The following EPDR1 variants were observed in gnomAD, a reference collection of about 807,000 sequenced individuals.
EPDR1 encodes the protein ependymin related 1.
EPDR1 carries 27 observed loss-of-function variants against 23.7 expected under a neutral mutation model. That is an observed-to-expected ratio of 1.14 (90% CI 0.84 to 1.57). The LOEUF (loss-of-function observed/expected upper bound fraction) is 1.57, where lower values mean the gene tolerates loss of function less well. EPDR1 is among the 40% of genes most tolerant of loss of function. The pLI, the probability that EPDR1 is intolerant of heterozygous loss-of-function variation, is 0.00. For missense variants in EPDR1, 349 were observed against 290.4 expected (o/e 1.20, Z -1.47); for synonymous variants, 137 against 118.2 (o/e 1.16, Z -1.03).
chr7:37,921,121 G>T lies in EPDR1; in HGVS notation c.182G>T (p.Arg61Leu). 1.3e-6 allele frequency: 2 copies of T among 1,594,540 alleles called. No individual in the cohort carries two copies. Among genetic ancestry groups the T allele is most frequent in the African/African-American group, 1.3e-5 (1 of 74,242 alleles). The change falls in exon 1 of 3, where the codon CGC (arginine) becomes CTC (leucine). Residue 61 changes from arginine (R) to leucine (L), a missense_variant. Physicochemically the swap from Arg to Leu is moderately radical, Grantham distance 102. Coordinates refer to ENST00000199448, the MANE Select transcript of EPDR1 (RefSeq NM_017549.5). ...GTTATGTACCAGCAAAGTAGCGGGC[G>T]CAACAGCCGCGCCCTGCTCTCCTAC... ...RQVMYQQSSG[R>L]NSRALLSYDG... is the part of the protein sequence containing the mutation.
intron 1 of EPDR1, among the ~76,000 whole-genome samples, chr7:37,945,937 C>T (rs1786266357): frequency 6.8e-6 from 1 of 148,086 alleles, no homozygotes; most frequent in Non-Finnish European, 1.5e-5. Context: ...CATTTGTTCT[C>T]ATCATTCAGC....
At chr7:37,926,997 A>T (rs1785826496) in intron 1 of EPDR1, among the ~76,000 whole-genome samples, 1 of 152,058 alleles carries the variant, frequency 6.6e-6, no homozygotes, top group African/African-American at 2.4e-5. Flanking sequence ...ATTGGTTTCT[A>T]TGTTCTTTTG....
chr7:37,949,607 G>GTA (rs138731910), intron 2 of EPDR1, among the ~76,000 whole-genome samples: 1,685 of 151,458 alleles, frequency 0.011, 12 homozygotes, highest in Admixed American at 0.017. Context: ...CTCCACTTCT[G>GTA]TATATATATA....
At chr7:37,925,252 A>G (rs945622919) in intron 1 of EPDR1, among the ~76,000 whole-genome samples, 2 of 152,120 alleles carry the variant, frequency 1.3e-5, no homozygotes, top group African/African-American at 2.4e-5. Flanking sequence ...TACACAATGA[A>G]CCCTCTCAGG....
chr7:37,922,373 A>C (rs999489339), intron 1 of EPDR1, among the ~76,000 whole-genome samples: 1 of 152,206 alleles, frequency 6.6e-6, no homozygotes, highest in Non-Finnish European at 1.5e-5. Context: ...TGCAGCACAG[A>C]GCAGCACAGT....
chr7:37,939,028 G>A (rs992350240), intron 1 of EPDR1, among the ~76,000 whole-genome samples: 1 of 150,986 alleles, frequency 6.6e-6, no homozygotes, highest in African/African-American at 2.4e-5. Flanking sequence ...GCCCAGGCTG[G>A]AGTGCAGTGA....
chr7:37,949,157 T>A (rs927952350), intron 2 of EPDR1, 109 bp downstream of exon 2: 18 of 1,060,742 alleles, frequency 1.7e-5, no homozygotes, highest in Admixed American at 5.1e-5. Context: ...TAATCAAAAA[T>A]TTTTTAAAGC....
chr7:37,930,725 A>G (rs1052811452), intron 1 of EPDR1, among the ~76,000 whole-genome samples: 1 of 152,218 alleles, frequency 6.6e-6, no homozygotes, highest in Admixed American at 6.5e-5. Context: ...CGGACATCAG[A>G]ACACAGTTCC....
At chr7:37,945,975 A>G (rs912252123) in intron 1 of EPDR1, among the ~76,000 whole-genome samples, 3 of 152,060 alleles carry the variant, frequency 2.0e-5, no homozygotes, top group Non-Finnish European at 4.4e-5. Flanking sequence ...AACATGCAGT[A>G]TTTGCTTTTC....
intron 1 of EPDR1, among the ~76,000 whole-genome samples, chr7:37,944,025 C>T (rs1786222588): frequency 6.6e-6 from 1 of 152,124 alleles, no homozygotes; most frequent in South Asian, 2.1e-4. Flanking sequence ...CCGGGTCTCT[C>T]CATGGAGCAC....
rs896301904 is a variant in EPDR1 at position 37,951,459 on chromosome 7, C to T, written c.*1063C>T. 4.7e-4 allele frequency: 72 copies of T among 152,266 alleles called. No homozygotes were observed. Among genetic ancestry groups the T allele is most frequent in the African/African-American group, 1.7e-3 (71 of 41,460 alleles). 9.4% of individuals were successfully genotyped at this position (152,266 alleles called of 1,614,324 possible). On this transcript the variant is annotated 3_prime_UTR_variant, in exon 3 of 3. Transcript: ENST00000199448. ...TAATTATTAAGCTGTGTGATAATTT[C>T]TGCTTTCAGGACACTCATCCATTAT...
intron 1 of EPDR1, among the ~76,000 whole-genome samples, chr7:37,946,307 G>A (rs143343826): frequency 5.3e-5 from 8 of 152,102 alleles, no homozygotes; most frequent in Admixed American, 2.0e-4. Context: ...GAATTGCCAC[G>A]CTGTCTTCCA....
intron 1 of EPDR1, among the ~76,000 whole-genome samples, chr7:37,934,149 T>C (rs1786001172): frequency 6.6e-6 from 1 of 152,114 alleles, no homozygotes; most frequent in South Asian, 2.1e-4. Flanking sequence ...GCTAATTTTT[T>C]GTATTTTTAG....
At chr7:37,933,487 G>C (rs1162523038) in intron 1 of EPDR1, among the ~76,000 whole-genome samples, 1 of 152,136 alleles carries the variant, frequency 6.6e-6, no homozygotes, top group Non-Finnish European at 1.5e-5. Flanking sequence ...TATGCTGTGA[G>C]CCTCATATTT....
At chr7:37,929,841 A>T (rs1183134265) in intron 1 of EPDR1, among the ~76,000 whole-genome samples, 1 of 152,182 alleles carries the variant, frequency 6.6e-6, no homozygotes, top group Non-Finnish European at 1.5e-5. Context: ...CTCATCAAAC[A>T]CTGTCTTCAG....
In EPDR1 at chr7:37,937,985, A is replaced by ATTTTTTTTTT. The variant is rs35752051; in HGVS notation, c.270-10841_270-10832dup. ...CTGAAGAAAAATGGGTGCCCTTTAA[A>ATTTTTTTTTT]TTTTTTTTTTTTTTTTTTTTTTTGA... On this transcript the variant is annotated intron_variant, in intron 1 of 2. Coordinates refer to ENST00000199448, the MANE Select transcript of EPDR1 (RefSeq NM_017549.5). Among the ~76,000 whole-genome samples the ATTTTTTTTTT allele has an allele frequency of 5.0e-3, 364 of 72,382 alleles. 39 individuals are homozygous for ATTTTTTTTTT. Among genetic ancestry groups the ATTTTTTTTTT allele is most frequent in the Admixed American group, 0.01 (54 of 5,180 alleles). 47.5% of individuals were successfully genotyped at this position (72,382 alleles called of 152,430 possible).
intron 1 of EPDR1, among the ~76,000 whole-genome samples, chr7:37,927,276 C>T (rs190257257): frequency 2.6e-5 from 4 of 152,324 alleles, no homozygotes; most frequent in Admixed American, 2.6e-4. Context: ...CATATATACA[C>T]ATTTACATCT....
Position 37,950,130 on chromosome 7 carries a change from C to T in EPDR1, c.479-70C>T. ...AAATTTTATGTTATGTACATTTTAC[C>T]ACCATAAGAAAAAATATGAACTTCT... On this transcript the variant is annotated intron_variant, in intron 2 of 2. Coordinates refer to ENST00000199448, the MANE Select transcript of EPDR1 (RefSeq NM_017549.5). The T allele has an allele frequency of 1.0e-5, 12 of 1,164,004 alleles. No individual in the cohort carries two copies. In the South Asian group the frequency reaches 1.9e-4, roughly 19 times the overall value. 72.1% of individuals were successfully genotyped at this position (1,164,004 alleles called of 1,614,324 possible). A position where few individuals can be genotyped will look rare whatever the true frequency, so the allele number is the denominator to read the frequency against.
At chr7:37,946,046 G>C (rs1048630306) in intron 1 of EPDR1, among the ~76,000 whole-genome samples, 1 of 152,194 alleles carries the variant, frequency 6.6e-6, no homozygotes, top group African/African-American at 2.4e-5. Flanking sequence ...CCCTGCAAAG[G>C]ACATGATCTT....
Sources: gnomAD v4.1 joint callset for allele counts (sites outside exome capture counted in the v4.1 genomes callset) on GRCh38, gnomAD v4.1.1 for gene constraint, MANE v1.5 for transcripts, NCBI Gene and HGNC (gene_info 2026-07-23, HGNC 2026-07-21) for gene names.